The following GTF2I variants were observed in gnomAD, a reference collection of about 807,000 sequenced individuals.
GTF2I encodes the protein general transcription factor II-I.
A neutral mutation model predicts 67.6 loss-of-function variants in GTF2I; 12 were observed. The observed-to-expected ratio is 0.18, with a 90% CI of 0.11 to 0.29. The LOEUF is 0.29. GTF2I is among the 10% of genes least tolerant of loss of function. The pLI is 1.00. For synonymous variants in GTF2I, 149 were observed against 197.0 expected (o/e 0.76, Z 2.04); for missense variants, 271 against 580.1 (o/e 0.47, Z 5.47).
chr7:74,705,316 T>A (rs1790488031), intron 7 of GTF2I, 98 bp downstream of exon 7: 1 of 752,806 alleles, frequency 1.3e-6, no homozygotes, highest in Non-Finnish European at 2.3e-6. Flanking sequence ...AGGCCTCATG[T>A]CACACATCTT....
chr7:74,714,701 A>G (rs1332252343), intron 9 of GTF2I, among the ~76,000 whole-genome samples, 156 bp from the exon 10 acceptor site: 1 of 149,130 alleles, frequency 6.7e-6, no homozygotes, highest in African/African-American at 2.5e-5. Context: ...ATAAATTGAC[A>G]TTGCTCATCT....
intron 1 of GTF2I, chr7:74,684,874 A>C (rs1334392081): frequency 2.6e-5 from 4 of 152,278 alleles, no homozygotes; most frequent in Non-Finnish European, 4.4e-5. Context: ...TGGAAGAAGC[A>C]CCAAAAGCCG....
chr7:74,700,575 C>T (rs1048924300), intron 5 of GTF2I, 31 bp from the exon 6 acceptor site: 16 of 1,611,294 alleles, frequency 9.9e-6, no homozygotes, highest in African/African-American at 2.7e-5. Flanking sequence ...CGTATTCATA[C>T]GAAGTTTTGT....
chr7:74,705,486 G>T (rs1790517280), intron 7 of GTF2I, among the ~76,000 whole-genome samples: 2 of 151,726 alleles, frequency 1.3e-5, no homozygotes, highest in South Asian at 4.2e-4. Context: ...CTATTCTGTA[G>T]TATTTTATTA....
intron 9 of GTF2I, among the ~76,000 whole-genome samples, chr7:74,712,568 C>T (rs2131405863): frequency 6.7e-6 from 1 of 149,502 alleles, no homozygotes; most frequent in Middle Eastern, 3.5e-3. Flanking sequence ...ATATATGCCA[C>T]TTCCTGAGTG....
At chr7:74,700,988 T>A (rs1789653730) in intron 6 of GTF2I, among the ~76,000 whole-genome samples, 1 of 152,246 alleles carries the variant, frequency 6.6e-6, no homozygotes, top group African/African-American at 2.4e-5. Flanking sequence ...GCATTACCAC[T>A]TTTGAGAGCT....
intron 1 of GTF2I, among the ~76,000 whole-genome samples, chr7:74,679,198 C>A (rs1554393353): frequency 6.6e-6 from 1 of 151,984 alleles, no homozygotes; most frequent in South Asian, 2.1e-4. Context: ...CCTGCCTCAG[C>A]CTCCTGAGTA....
At chr7:74,707,030 A>G (rs1790811921) in intron 8 of GTF2I, among the ~76,000 whole-genome samples, 2 of 152,080 alleles carry the variant, frequency 1.3e-5, no homozygotes, top group Admixed American at 6.5e-5. Context: ...TTGTATTTTT[A>G]GTAGCGACGG....
intron 1 of GTF2I, among the ~76,000 whole-genome samples, chr7:74,675,897 C>G (rs1474893207): frequency 1.3e-5 from 2 of 152,122 alleles, no homozygotes; most frequent in African/African-American, 4.8e-5. Flanking sequence ...ATAGTCCCAG[C>G]TACGCAGGAG....
chr7:74,670,418 G>A (rs1805347173), intron 1 of GTF2I, among the ~76,000 whole-genome samples: 2 of 151,942 alleles, frequency 1.3e-5, no homozygotes. Flanking sequence ...AAAGATTGTC[G>A]GGTGTGGGTG....
chr7:74,698,244 C>A (rs1169398709), intron 3 of GTF2I, among the ~76,000 whole-genome samples: 1 of 151,880 alleles, frequency 6.6e-6, no homozygotes, highest in Non-Finnish European at 1.5e-5. Flanking sequence ...CGTGAGCCAC[C>A]GCGCCCGGCC....
chr7:74,689,945 G>A (rs932336167), intron 2 of GTF2I, among the ~76,000 whole-genome samples: 2 of 151,660 alleles, frequency 1.3e-5, no homozygotes, highest in African/African-American at 2.4e-5. Flanking sequence ...TCGAACTCCC[G>A]ACCTCAGGTG....
chr7:74,684,241 C>A (rs1554394836), intron 1 of GTF2I, among the ~76,000 whole-genome samples: 1 of 152,158 alleles, frequency 6.6e-6, no homozygotes, highest in East Asian at 1.9e-4. Context: ...AATAAATGTT[C>A]ATTTCTTTTT....
intron 2 of GTF2I, among the ~76,000 whole-genome samples, chr7:74,690,712 TG>T (rs1330360930): frequency 6.6e-6 from 1 of 152,196 alleles, no homozygotes; most frequent in Non-Finnish European, 1.5e-5. Flanking sequence ...TCCCAAGTGC[TG>T]TAATTGACAG....
rs781905221 is a variant in GTF2I, at chr7:74,663,165, ATATAAACATGAG to A, written c.-6+5099_-6+5110del. On this transcript the variant is annotated intron_variant, in intron 1 of 34. Coordinates refer to ENST00000573035, the MANE Select transcript of GTF2I (RefSeq NM_032999.4). ...TCTTTGTTGATGACATGAATGTTTT[ATATAAACATGAG>A]TTTTTGCAATATGCTTCATAACTGG... Among the ~76,000 whole-genome samples, 214 of 152,204 alleles carry A rather than the reference ATATAAACATGAG, an allele frequency of 1.4e-3. 2 individuals carry two copies. Among genetic ancestry groups the A allele is most frequent in the Non-Finnish European group, 1.8e-3 (120 of 68,032 alleles).
chr7:74,689,081 C>T, intron 1 of GTF2I, 43 bp from the exon 2 acceptor site: 1 of 1,185,930 alleles, frequency 8.4e-7, no homozygotes, highest in Non-Finnish European at 1.3e-6. Context: ...GTTCAGGACA[C>T]CAGATTTCTA....
chr7:74,679,500 T>G (rs1479542978), intron 1 of GTF2I, among the ~76,000 whole-genome samples: 1 of 152,236 alleles, frequency 6.6e-6, no homozygotes, highest in Non-Finnish European at 1.5e-5. Context: ...TTTGCTTCAG[T>G]CAGTTCGTTT....
chr7:74,673,095 C>T (rs1805599534), intron 1 of GTF2I, among the ~76,000 whole-genome samples: 1 of 152,138 alleles, frequency 6.6e-6, no homozygotes, highest in Non-Finnish European at 1.5e-5. Flanking sequence ...TTCCTGACCT[C>T]ATGATCTGCC....
chr7:74,729,834 A>G (rs1297559679), intron 13 of GTF2I, among the ~76,000 whole-genome samples: 6 of 152,138 alleles, frequency 3.9e-5, no homozygotes, highest in Non-Finnish European at 7.3e-5. Flanking sequence ...TTTCCACACA[A>G]CTGAGACATG....
Sources: gnomAD v4.1 joint callset for allele counts (sites outside exome capture counted in the v4.1 genomes callset) on GRCh38, gnomAD v4.1.1 for gene constraint, MANE v1.5 for transcripts, NCBI Gene and HGNC (gene_info 2026-07-23, HGNC 2026-07-21) for gene names.